Variants in MSI2 observed in about 807,000 individuals in gnomAD.
The protein encoded by MSI2 is musashi RNA binding protein 2.
A neutral mutation model predicts 45.6 loss-of-function variants in MSI2; 17 were observed. The observed-to-expected ratio is 0.37, with a 90% CI of 0.26 to 0.56. The LOEUF is 0.56. MSI2 is among the 20% of genes least tolerant of loss of function. MSI2 has a pLI of 0.77. For synonymous variants in MSI2, 156 were observed against 158.2 expected (o/e 0.99, Z 0.11); for missense variants, 293 against 444.2 (o/e 0.66, Z 3.06).
At chr17:57,442,549 C>T (rs1446583142) in intron 6 of MSI2, among the ~76,000 whole-genome samples, 1 of 152,128 alleles carries the variant, frequency 6.6e-6, no homozygotes, top group African/African-American at 2.4e-5. Flanking sequence ...CCCTCCCCTT[C>T]TCCCGGAAGA....
intron 6 of MSI2, among the ~76,000 whole-genome samples, chr17:57,506,670 G>A (rs542337929): frequency 1.3e-5 from 2 of 152,298 alleles, no homozygotes; most frequent in Middle Eastern, 3.4e-3. Flanking sequence ...GCTCTGCCTC[G>A]TCTTCCAGAA....
intron 6 of MSI2, among the ~76,000 whole-genome samples, chr17:57,441,774 T>C (rs937628338): frequency 1.3e-5 from 2 of 152,226 alleles, no homozygotes; most frequent in Admixed American, 1.3e-4. Flanking sequence ...TTAATTGCCA[T>C]ATGGGAAGTA....
intron 5 of MSI2, among the ~76,000 whole-genome samples, chr17:57,314,870 G>A (rs988750437): frequency 1.3e-5 from 2 of 152,082 alleles, no homozygotes; most frequent in Non-Finnish European, 2.9e-5. Flanking sequence ...GCGCCCGGCC[G>A]CGCCTGCGTT....
rs556175436 is a variant in MSI2, at chr17:57,630,254, C to T, written c.727+2951C>T. Reference sequence around the variant, plus strand: ...GGAGTGTTTTTGCCCAGGGCCCATCCGTTTGTCATGGCCACAGTCCCTGCA... The same window carrying T: ...GGAGTGTTTTTGCCCAGGGCCCATCTGTTTGTCATGGCCACAGTCCCTGCA... On this transcript the variant is annotated intron_variant, in intron 10 of 13. Coordinates refer to ENST00000284073, the MANE Select transcript of MSI2 (RefSeq NM_138962.4). The T allele has an allele frequency of 4.6e-5, 7 of 152,334 alleles. No homozygotes were observed. The South Asian group carries it at 8.3e-4, about 18-fold the overall frequency. The allele number at this position is 152,334 out of a possible 1,614,324, so 9.4% of individuals were successfully genotyped here.
intron 5 of MSI2, among the ~76,000 whole-genome samples, chr17:57,393,688 A>T (rs989451905): frequency 6.6e-6 from 1 of 151,850 alleles, no homozygotes; most frequent in Non-Finnish European, 1.5e-5. Flanking sequence ...TTATTTATTT[A>T]TTTATTTATT....
intron 5 of MSI2, among the ~76,000 whole-genome samples, chr17:57,326,780 C>A (rs937932410): frequency 4.6e-5 from 7 of 152,198 alleles, no homozygotes; most frequent in Admixed American, 3.3e-4. Flanking sequence ...GCTGAAGTAG[C>A]TTGCCTGGGG....
chr17:57,289,012 A>G (rs542660707), intron 5 of MSI2, among the ~76,000 whole-genome samples: 1 of 152,298 alleles, frequency 6.6e-6, no homozygotes, highest in East Asian at 1.9e-4. Context: ...GTCTAGCACT[A>G]TAGGTCACTT....
intron 7 of MSI2, among the ~76,000 whole-genome samples, chr17:57,587,692 G>A (rs1478259748): frequency 3.9e-5 from 6 of 152,330 alleles, no homozygotes; most frequent in Middle Eastern, 3.4e-3. Flanking sequence ...TGCCTTGCCT[G>A]TGCTTGAGCC....
chr17:57,659,241 T>G (rs1911821716), intron 11 of MSI2, among the ~76,000 whole-genome samples: 3 of 151,030 alleles, frequency 2.0e-5, no homozygotes, highest in East Asian at 2.0e-4. Flanking sequence ...TTTTTGTGTG[T>G]TTTTTGTTTT....
intron 11 of MSI2, among the ~76,000 whole-genome samples, chr17:57,662,829 A>G (rs1912084560): frequency 6.6e-6 from 1 of 152,240 alleles, no homozygotes; most frequent in Non-Finnish European, 1.5e-5. Flanking sequence ...TTTGGCTGAC[A>G]GGTTTCTGGT....
chr17:57,259,987 A>G (rs1433859544), intron 4 of MSI2: 1 of 152,244 alleles, frequency 6.6e-6, no homozygotes, highest in Non-Finnish European at 1.5e-5. Context: ...TGCAGGAGGC[A>G]GAAGCGGTTG....
intron 6 of MSI2, among the ~76,000 whole-genome samples, chr17:57,521,091 A>G (rs1294578194): frequency 6.6e-6 from 1 of 152,204 alleles, no homozygotes; most frequent in Non-Finnish European, 1.5e-5. Flanking sequence ...ATGAAGGAAA[A>G]ACGTGCCTGG....
At chr17:57,274,542 T>G (rs1472838956) in intron 5 of MSI2, 1 of 152,218 alleles carries the variant, frequency 6.6e-6, no homozygotes, top group Non-Finnish European at 1.5e-5. Flanking sequence ...GCACGTCCTG[T>G]GGCAGGTTTG....
intron 5 of MSI2, among the ~76,000 whole-genome samples, chr17:57,300,824 T>C (rs2143535920): frequency 6.6e-6 from 1 of 152,292 alleles, no homozygotes; most frequent in South Asian, 2.1e-4. Context: ...GTGAGACTTA[T>C]TCACTACCAC....
At chr17:57,496,203 G>A (rs1402849633) in intron 6 of MSI2, among the ~76,000 whole-genome samples, 1 of 152,192 alleles carries the variant, frequency 6.6e-6, no homozygotes, top group African/African-American at 2.4e-5. Context: ...GGGCCAGCCT[G>A]TCAATCACCC....
At chr17:57,688,996 G>GA (rs1338844742), downstream of MSI2, among the ~76,000 whole-genome samples, 2 of 152,318 alleles carry the variant, frequency 1.3e-5, no homozygotes, top group Non-Finnish European at 2.9e-5. Flanking sequence ...GTGAAATGGG[G>GA]AAGACATTAA....
intron 6 of MSI2, among the ~76,000 whole-genome samples, chr17:57,527,897 A>G (rs567891217): frequency 6.6e-6 from 1 of 152,318 alleles, no homozygotes; most frequent in South Asian, 2.1e-4. Flanking sequence ...TGCTTTGCCC[A>G]GCGTCTTCCC....
chr17:57,440,467 TAGC>T lies in MSI2; in HGVS notation c.405+38997_405+38999del, dbSNP rs1389832319. Among the ~76,000 whole-genome samples, 5 of 140,368 alleles carry T rather than the reference TAGC, an allele frequency of 3.6e-5. No individual in the cohort carries two copies. The East Asian group carries it at 8.3e-4, about 23-fold the overall frequency. 92.1% of individuals were successfully genotyped at this position (140,368 alleles called of 152,430 possible). A position where few individuals can be genotyped will look rare whatever the true frequency, so the allele number is the denominator to read the frequency against. ...GTGTGTGTGTGTGTGTGTGTGTGTG[TAGC>T]GTGGCTGGGTCAGACTGGATTCCTT... On this transcript the variant is annotated intron_variant, in intron 6 of 13. Coordinates refer to ENST00000284073, the MANE Select transcript of MSI2 (RefSeq NM_138962.4).
chr17:57,378,584 G>A (rs1210636782), intron 5 of MSI2, among the ~76,000 whole-genome samples: 3 of 152,070 alleles, frequency 2.0e-5, no homozygotes, highest in African/African-American at 7.2e-5. Flanking sequence ...TTTAGTAGAG[G>A]CAGGGTTTCT....
Sources: gnomAD v4.1 joint callset for allele counts (sites outside exome capture counted in the v4.1 genomes callset) on GRCh38, gnomAD v4.1.1 for gene constraint, MANE v1.5 for transcripts, NCBI Gene and HGNC (gene_info 2026-07-23, HGNC 2026-07-21) for gene names.